DCDC1: variants seen among roughly 807,000 people sequenced by gnomAD.
DCDC1 encodes the protein doublecortin domain containing 1, also known as doublecortin domain-containing protein 1.
DCDC1 carries 200 observed loss-of-function variants against 178.3 expected under a neutral mutation model. The observed-to-expected ratio is 1.12, with a 90% CI of 1.00 to 1.26. DCDC1 has a LOEUF of 1.26. DCDC1 is among the 50% of genes most tolerant of loss of function. DCDC1 has a pLI of 0.00. For synonymous variants in DCDC1, 690 were observed against 604.8 expected (o/e 1.14, Z -2.07); for missense variants, 1,983 against 1,749.2 (o/e 1.13, Z -2.38).
At chr11:30,970,600 G>T (rs369067871) in intron 20 of DCDC1, among the ~76,000 whole-genome samples, 2 of 152,168 alleles carry the variant, frequency 1.3e-5, no homozygotes, top group African/African-American at 4.8e-5. Context: ...CCCCAACAGA[G>T]GAACTGTCAC....
intron 20 of DCDC1, among the ~76,000 whole-genome samples, chr11:31,024,461 T>A (rs1055402397): frequency 6.6e-6 from 1 of 151,976 alleles, no homozygotes; most frequent in African/African-American, 2.4e-5. Flanking sequence ...TAATGTTTTT[T>A]AAAAAGAATT....
chr11:30,991,626 C>T (rs1249540547), intron 20 of DCDC1, among the ~76,000 whole-genome samples: 2 of 152,130 alleles, frequency 1.3e-5, no homozygotes, highest in Non-Finnish European at 2.9e-5. Flanking sequence ...GTGTACAAGC[C>T]TGCACATTTG....
At chr11:31,366,658 G>A (rs1951972267) in intron 1 of DCDC1, among the ~76,000 whole-genome samples, 1 of 152,158 alleles carries the variant, frequency 6.6e-6, no homozygotes, top group Non-Finnish European at 1.5e-5. Flanking sequence ...CAAAACACCA[G>A]GAGTTCCATC....
At chr11:31,280,696 A>G in intron 7 of DCDC1, 2 of 552,772 alleles carry the variant, frequency 3.6e-6, no homozygotes, top group South Asian at 1.6e-5. Context: ...TTTTAAGACA[A>G]GCTAACAAGT....
At chr11:31,120,743 C>T (rs1960677436) in intron 11 of DCDC1, among the ~76,000 whole-genome samples, 1 of 152,158 alleles carries the variant, frequency 6.6e-6, no homozygotes, top group Non-Finnish European at 1.5e-5. Flanking sequence ...CTTTCTCCCA[C>T]CTACTCAGAC....
intron 3 of DCDC1, among the ~76,000 whole-genome samples, chr11:31,322,321 C>G (rs541984937): frequency 9.6e-4 from 146 of 152,284 alleles, no homozygotes; most frequent in Non-Finnish European, 1.5e-3. Context: ...AGAGTTATGT[C>G]AGGTAATGTT....
chr11:31,161,684 G>T (rs889067639), intron 9 of DCDC1, among the ~76,000 whole-genome samples: 1 of 152,142 alleles, frequency 6.6e-6, no homozygotes, highest in Non-Finnish European at 1.5e-5. Context: ...TACCACACTG[G>T]ATTGCTTCTT....
chr11:30,994,749 TATATA>T (rs199608497), intron 20 of DCDC1, among the ~76,000 whole-genome samples: 5,986 of 144,780 alleles, frequency 0.041, 388 homozygotes, highest in African/African-American at 0.14. Flanking sequence ...ATTTAATAAA[TATATA>T]ATATATTTGT....
intron 1 of DCDC1, among the ~76,000 whole-genome samples, chr11:31,346,671 C>A (rs558592624): frequency 3.9e-5 from 6 of 151,908 alleles, no homozygotes; most frequent in Non-Finnish European, 8.8e-5. Context: ...AATGGTACTA[C>A]CATGATAAAT....
intron 3 of DCDC1, among the ~76,000 whole-genome samples, chr11:31,327,662 G>A (rs1949718993): frequency 6.6e-6 from 1 of 151,936 alleles, no homozygotes; most frequent in South Asian, 2.1e-4. Flanking sequence ...AAAAAGGAAG[G>A]GCTCTACTCT....
chr11:31,323,888 C>T (rs1949508395), intron 3 of DCDC1, among the ~76,000 whole-genome samples: 1 of 152,088 alleles, frequency 6.6e-6, no homozygotes, highest in African/African-American at 2.4e-5. Flanking sequence ...CTTGCTTAAA[C>T]TTCCAAAGAT....
At chr11:30,866,858 G>T (rs1386887032) in intron 38 of DCDC1, among the ~76,000 whole-genome samples, 1 of 152,104 alleles carries the variant, frequency 6.6e-6, no homozygotes, top group African/African-American at 2.4e-5. Flanking sequence ...AGGTATTTGG[G>T]TCATGAGGGA....
intron 9 of DCDC1, among the ~76,000 whole-genome samples, chr11:31,184,004 G>A (rs1355319803): frequency 6.6e-6 from 1 of 152,128 alleles, no homozygotes; most frequent in African/African-American, 2.4e-5. Flanking sequence ...AAAGAACAAA[G>A]CTGGAGGCAT....
rs796552665 is a variant in DCDC1, at chr11:31,356,546, C to T, written c.-125+13151G>A. 3.9e-4 allele frequency among the ~76,000 whole-genome samples: 59 copies of T among 151,522 alleles called. No homozygotes were observed. In the South Asian group the frequency reaches 0.012, roughly 31 times the overall value. On this transcript the variant is annotated intron_variant, in intron 1 of 38. Coordinates refer to ENST00000684477, the MANE Select transcript of DCDC1 (RefSeq NM_001387274.1). ...AAAGAACTAGAAAAGCAAGAGCAAA[C>T]ACATTCAAAAGCTACCAGAAGGCAA... is the stretch of plus-strand genomic sequence containing the variant.
At chr11:30,932,680 G>C (rs1036815763) in intron 21 of DCDC1, among the ~76,000 whole-genome samples, 1 of 152,170 alleles carries the variant, frequency 6.6e-6, no homozygotes, top group South Asian at 2.1e-4. Context: ...TTACAGGTGT[G>C]ATGGGACCAC....
At chr11:30,962,386 G>A (rs961028783) in intron 20 of DCDC1, among the ~76,000 whole-genome samples, 2 of 151,538 alleles carry the variant, frequency 1.3e-5, no homozygotes, top group Admixed American at 1.3e-4. Flanking sequence ...GGACTTTAAT[G>A]GCAATTAAGG....
Position 30,971,495 on chromosome 11 carries a change from C to T in DCDC1, c.2592-18927G>A, listed in dbSNP as rs184420026. ...ATCATTACAAAAGAACCAAACAAAT[C>T]CTAGGAATGAAATAATCCATTGAAT... On this transcript the variant is annotated intron_variant, in intron 20 of 38. Transcript: ENST00000684477. 2.0e-3 allele frequency among the ~76,000 whole-genome samples: 300 copies of T among 151,430 alleles called. 1 individual carries two copies. Among genetic ancestry groups the T allele is most frequent in the African/African-American group, 6.8e-3 (282 of 41,330 alleles).
intron 20 of DCDC1, among the ~76,000 whole-genome samples, chr11:31,005,418 G>A (rs1951783884): frequency 6.6e-6 from 1 of 152,128 alleles, no homozygotes; most frequent in Non-Finnish European, 1.5e-5. Context: ...GTGAACCACA[G>A]AGCTCTACCC....
In DCDC1 at chr11:30,911,336, A is replaced by G. The variant is rs1945434029; in HGVS notation, c.3738T>C (p.Val1246=). The G allele has an allele frequency of 6.2e-7, 1 of 1,602,130 alleles. No individual in the cohort carries two copies. The highest frequency in any genetic ancestry group is 8.5e-7 in the Non-Finnish European group (1 of 1,173,974). Residue 1246 remains valine, a synonymous_variant, in exon 28 of 39, where the codon GTT becomes GTC. Coordinates refer to ENST00000684477, the MANE Select transcript of DCDC1 (RefSeq NM_001387274.1). ...GCCATACATATCTTACCTGAACAAT[A>G]ACTGGATAGCCACAAACTTCATTTC... is the stretch of plus-strand genomic sequence containing the variant. ...KTRNEVCGYP[V]IVQKYKPYNN...
Sources: allele counts gnomAD v4.1 joint callset (sites outside exome capture counted in the v4.1 genomes callset), GRCh38; gene constraint gnomAD v4.1.1; transcripts MANE v1.5; gene names NCBI Gene and HGNC (gene_info 2026-07-23, HGNC 2026-07-21).